Variants in ABLIM3 observed in about 807,000 individuals in gnomAD.
The protein encoded by ABLIM3 is actin binding LIM protein family member 3, also known as actin-binding LIM protein 3.
A neutral mutation model predicts 109.5 loss-of-function variants in ABLIM3; 61 were observed. The ratio of observed to expected loss-of-function variants is 0.56; its 90% CI spans 0.45 to 0.69. The LOEUF (loss-of-function observed/expected upper bound fraction) is 0.69. Ranked by LOEUF, ABLIM3 falls within the 30% of genes least tolerant of loss-of-function variation. ABLIM3 has a pLI of 0.00. For synonymous variants in ABLIM3, 300 were observed against 324.8 expected (o/e 0.92, Z 0.82); for missense variants, 796 against 889.5 (o/e 0.89, Z 1.34).
chr5:149,244,947 C>T lies in ABLIM3; in HGVS notation c.1418C>T (p.Pro473Leu). The change falls in exon 16 of 24, where the codon CCC becomes CTC. Residue 473 changes from proline to leucine, a missense_variant. Coordinates refer to ENST00000309868, the MANE Select transcript of ABLIM3 (RefSeq NM_014945.5). ...ATCAGCCAGACCTCCAAGTACAGTC[C>T]CATCTACTCGCCAGACCCCTACTAT... ...EDISQTSKYS[P>L]IYSPDPYYAS... The T allele has an allele frequency of 6.2e-7, 1 of 1,614,144 alleles. No individual in the cohort carries two copies. The highest frequency in any genetic ancestry group is 8.5e-7 in the Non-Finnish European group (1 of 1,180,020).
At chr5:149,255,681 C>A (rs1171548161) in intron 23 of ABLIM3, among the ~76,000 whole-genome samples, 1 of 152,014 alleles carries the variant, frequency 6.6e-6, no homozygotes, top group Non-Finnish European at 1.5e-5. Context: ...GTGTTGAGAC[C>A]CTGATGCAGG....
chr5:149,232,250 G>A (rs934392737), intron 9 of ABLIM3, among the ~76,000 whole-genome samples: 3 of 152,208 alleles, frequency 2.0e-5, no homozygotes, highest in African/African-American at 4.8e-5. Flanking sequence ...AGGTTGCAGT[G>A]AGTCAAAATT....
intron 21 of ABLIM3, among the ~76,000 whole-genome samples, chr5:149,251,631 C>T (rs184698337): frequency 6.6e-6 from 1 of 152,222 alleles, no homozygotes; most frequent in African/African-American, 2.4e-5. Context: ...TGGGTGGTCT[C>T]CAAGCCACCT....
rs75381076 is a variant in ABLIM3, at chr5:149,181,750, G to T, written c.14-1702G>T. Among the ~76,000 whole-genome samples, 1,827 of 152,308 alleles carry T rather than the reference G, an allele frequency of 0.012. 85 individuals carry two copies. In the East Asian group the frequency reaches 0.15, roughly 13 times the overall value. Reference sequence around the variant, plus strand: ...TTTGAGAATATGAACAAAACTACAAGATAATGTATGTAACACTTAATTTAA... The same window carrying T: ...TTTGAGAATATGAACAAAACTACAATATAATGTATGTAACACTTAATTTAA... On this transcript the variant is annotated intron_variant, in intron 2 of 23. Transcript: ENST00000309868.
In ABLIM3 at chr5:149,207,015, C is replaced by T. The variant is rs1214035887; in HGVS notation, c.456C>T (p.Ala152=). 8 of 1,613,698 alleles carry T rather than the reference C, an allele frequency of 5.0e-6. No individual in the cohort carries two copies. Among genetic ancestry groups the T allele is most frequent in the Admixed American group, 3.3e-5 (2 of 59,966 alleles). The stretch of plus-strand genomic sequence containing the variant: ...TGTCCTCTTGTCTTGCAGACTGTGC[C>T]GGGTGCAAGGAGGAGATCAAGCACG... ...PIKIRGPSHC[A]GCKEEIKHGQ... Residue 152 remains alanine, a synonymous_variant, in exon 6 of 24, where the codon GCC becomes GCT. Transcript: ENST00000309868.
At chr5:149,178,682 G>A (rs1033244039) in intron 2 of ABLIM3, among the ~76,000 whole-genome samples, 4 of 152,196 alleles carry the variant, frequency 2.6e-5, no homozygotes, top group Admixed American at 6.5e-5. Flanking sequence ...CATTTTTATA[G>A]GAGAGGAATC....
In ABLIM3 at chr5:149,258,559, A is replaced by G. The variant is rs889566063; in HGVS notation, c.*155A>G. On this transcript the variant is annotated 3_prime_UTR_variant, in exon 24 of 24. Coordinates refer to ENST00000309868, the MANE Select transcript of ABLIM3 (RefSeq NM_014945.5). ...TCAGGCAAGCCCACGTCATCGAGAT[A>G]TTTTTATGCTCCTTACTTTCTCTTT... 9.3e-6 allele frequency: 13 copies of G among 1,392,108 alleles called. No individual in the cohort carries two copies. The African/African-American group carries it at 1.9e-4, about 20-fold the overall frequency. 86.2% of individuals were successfully genotyped at this position (1,392,108 alleles called of 1,614,324 possible).
At chr5:149,229,877 C>A (rs1761674779) in intron 8 of ABLIM3, among the ~76,000 whole-genome samples, 1 of 152,094 alleles carries the variant, frequency 6.6e-6, no homozygotes, top group Non-Finnish European at 1.5e-5. Flanking sequence ...CCAACTGGAC[C>A]CCCACCCACA....
intron 8 of ABLIM3, among the ~76,000 whole-genome samples, chr5:149,225,958 A>G (rs1441829131): frequency 2.9e-4 from 28 of 98,084 alleles, no homozygotes; most frequent in African/African-American, 3.3e-4. Flanking sequence ...TGTATATAAT[A>G]TGTGTGTGTG....
rs532752415 is a variant in ABLIM3, at chr5:149,170,909, C to T, written c.14-12543C>T. Among the ~76,000 whole-genome samples the T allele has an allele frequency of 3.9e-5, 6 of 152,232 alleles. No individual in the cohort carries two copies. The South Asian group carries it at 1.2e-3, about 32-fold the overall frequency. ...TTGGTTACTTATTATGTCTTGACTT[C>T]TTAGTCCCATGTGTCATGTACCAAC... On this transcript the variant is annotated intron_variant, in intron 2 of 23. Coordinates refer to ENST00000309868, the MANE Select transcript of ABLIM3 (RefSeq NM_014945.5).
At chr5:149,160,749 T>G (rs761471868) in intron 2 of ABLIM3, among the ~76,000 whole-genome samples, 3 of 152,184 alleles carry the variant, frequency 2.0e-5, no homozygotes, top group Non-Finnish European at 4.4e-5. Flanking sequence ...TTTCTAGTTA[T>G]GGCTATACTT....
At chr5:149,197,685 C>G (rs373886746) in intron 3 of ABLIM3, among the ~76,000 whole-genome samples, 7 of 152,286 alleles carry the variant, frequency 4.6e-5, no homozygotes, top group African/African-American at 1.7e-4. Context: ...TCACCTGGCA[C>G]AGAATCATGC....
At chr5:149,196,381 G>A (rs1757976864) in intron 3 of ABLIM3, among the ~76,000 whole-genome samples, 1 of 152,218 alleles carries the variant, frequency 6.6e-6, no homozygotes, top group Admixed American at 6.5e-5. Flanking sequence ...CAGACTTACA[G>A]TCTTGCTAAC....
chr5:149,259,117 G>A lies in ABLIM3; in HGVS notation c.*713G>A. 9.9e-7 allele frequency: 1 copy of A among 1,015,096 alleles called. No individual in the cohort carries two copies. The highest frequency in any genetic ancestry group is 1.2e-6 in the Non-Finnish European group (1 of 848,244). 62.9% of individuals were successfully genotyped at this position (1,015,096 alleles called of 1,614,324 possible). The stretch of plus-strand genomic sequence containing the variant: ...TCCCTTCCCTCCACCACTTCCAACT[G>A]GCCCCTTTGCCTGACCTGGACTTGG... On this transcript the variant is annotated 3_prime_UTR_variant, in exon 24 of 24. Coordinates refer to ENST00000309868, the MANE Select transcript of ABLIM3 (RefSeq NM_014945.5).
intron 10 of ABLIM3, among the ~76,000 whole-genome samples, chr5:149,235,085 C>T (rs1194088959): frequency 6.6e-6 from 1 of 152,114 alleles, no homozygotes; most frequent in African/African-American, 2.4e-5. Flanking sequence ...ATCAGTTGTC[C>T]CTCACATCCT....
chr5:149,257,892 G>C (rs1208915319), intron 23 of ABLIM3, among the ~76,000 whole-genome samples: 1 of 152,140 alleles, frequency 6.6e-6, no homozygotes, highest in African/African-American at 2.4e-5. Flanking sequence ...TAAAATCTTG[G>C]ACATGGCTCC....
At chr5:149,205,764 C>A (rs951606500) in intron 5 of ABLIM3, among the ~76,000 whole-genome samples, 1 of 152,194 alleles carries the variant, frequency 6.6e-6, no homozygotes, top group African/African-American at 2.4e-5. Flanking sequence ...CTGCCCCCAA[C>A]TTGTACTAAG....
At chr5:149,215,432 C>T (rs78744185) in intron 7 of ABLIM3, among the ~76,000 whole-genome samples, 1,544 of 151,700 alleles carry the variant, frequency 0.01, 11 homozygotes, top group Non-Finnish European at 0.015. Context: ...TAAAAATCTG[C>T]CTTTCCCACA....
chr5:149,259,285 G>A lies in ABLIM3; in HGVS notation c.*881G>A. 7.4e-7 allele frequency: 1 copy of A among 1,358,148 alleles called. No individual in the cohort carries two copies. The highest frequency in any genetic ancestry group is 1.7e-5 in the South Asian group (1 of 57,746). The allele number at this position is 1,358,148 out of a possible 1,614,324, so 84.1% of individuals were successfully genotyped here. ...TGACCCTTCCCTCTTTCAAGGAGAAGCCCATGATTGCAGCTTGTATTCTTT... is the reference window on the plus strand; with the variant it reads ...TGACCCTTCCCTCTTTCAAGGAGAAACCCATGATTGCAGCTTGTATTCTTT... On this transcript the variant is annotated 3_prime_UTR_variant, in exon 24 of 24. Transcript: ENST00000309868.
Sources: allele counts gnomAD v4.1 joint callset (sites outside exome capture counted in the v4.1 genomes callset), GRCh38; gene constraint gnomAD v4.1.1; transcripts MANE v1.5; gene names NCBI Gene and HGNC (gene_info 2026-07-23, HGNC 2026-07-21).